MGAT4C: variants seen among roughly 807,000 people sequenced by gnomAD.
The protein encoded by MGAT4C is MGAT4 family member C, also known as alpha-1,3-mannosyl-glycoprotein 4-beta-N-acetylglucosaminyltransferase C.
A neutral mutation model predicts 40.1 loss-of-function variants in MGAT4C; 19 were observed. The observed-to-expected ratio is 0.47, with a 90% CI of 0.33 to 0.70. MGAT4C has a LOEUF of 0.70. Ranked by LOEUF, MGAT4C falls within the 30% of genes least tolerant of loss-of-function variation. The probability of loss-of-function intolerance (pLI) is 0.02; values close to 1 mark genes in which losing one functional copy is unlikely to be tolerated. For synonymous variants in MGAT4C, 181 were observed against 187.1 expected (o/e 0.97, Z 0.27); for missense variants, 491 against 563.2 (o/e 0.87, Z 1.30).
chr12:86,465,483 A>G (rs1957666463), intron 2 of MGAT4C, among the ~76,000 whole-genome samples: 1 of 152,150 alleles, frequency 6.6e-6, no homozygotes, highest in Non-Finnish European at 1.5e-5. Flanking sequence ...CATATATAAT[A>G]AAAGGCCATT....
At chr12:86,705,249 TC>T in intron 2 of MGAT4C, among the ~76,000 whole-genome samples, 1 of 150,924 alleles carries the variant, frequency 6.6e-6, no homozygotes, top group Non-Finnish European at 1.5e-5. Context: ...TATCTATCTA[TC>T]TATCTATCTA....
chr12:86,530,538 T>C (rs1333860205), intron 2 of MGAT4C, among the ~76,000 whole-genome samples: 2 of 152,040 alleles, frequency 1.3e-5, no homozygotes, highest in Non-Finnish European at 2.9e-5. Context: ...GCAGGTAACT[T>C]AGCAAACTAA....
At chr12:86,125,741 AT>A (rs568395057) in intron 1 of MGAT4C, among the ~76,000 whole-genome samples, 49 of 152,324 alleles carry the variant, frequency 3.2e-4, no homozygotes, top group Middle Eastern at 6.8e-3. Flanking sequence ...AGCAAGTTGT[AT>A]GTGATAAACT....
At chr12:85,993,648 G>T (rs1361584423) in intron 2 of MGAT4C, among the ~76,000 whole-genome samples, 1 of 152,148 alleles carries the variant, frequency 6.6e-6, no homozygotes, top group Non-Finnish European at 1.5e-5. Flanking sequence ...TCAGGAGGGG[G>T]CTGCAAAAAT....
At chr12:86,614,259 T>G (rs1962377885) in intron 2 of MGAT4C, among the ~76,000 whole-genome samples, 3 of 152,152 alleles carry the variant, frequency 2.0e-5, no homozygotes, top group Non-Finnish European at 2.9e-5. Flanking sequence ...ATACCTAAAA[T>G]AAATATCATG....
chr12:86,077,373 TA>T (rs1208076030), intron 1 of MGAT4C, among the ~76,000 whole-genome samples: 1 of 152,164 alleles, frequency 6.6e-6, no homozygotes. Flanking sequence ...CAACAATACT[TA>T]AATGCTGATG....
chr12:86,405,427 C>T (rs192286467), intron 3 of MGAT4C, among the ~76,000 whole-genome samples: 143 of 152,024 alleles, frequency 9.4e-4, no homozygotes, highest in African/African-American at 3.3e-3. Flanking sequence ...TATAAGAAGG[C>T]TTGCACCAGA....
chr12:86,391,815 G>C (rs1387007017), intron 3 of MGAT4C, among the ~76,000 whole-genome samples: 1 of 151,930 alleles, frequency 6.6e-6, no homozygotes, highest in Non-Finnish European at 1.5e-5. Context: ...AGCTGAGATC[G>C]CGACACTGCA....
chr12:86,188,448 T>A (rs1431574548), intron 1 of MGAT4C, among the ~76,000 whole-genome samples: 1 of 151,918 alleles, frequency 6.6e-6, no homozygotes, highest in Non-Finnish European at 1.5e-5. Flanking sequence ...AGGGACATGT[T>A]CTTTCCCTCT....
At chr12:86,646,751 C>T (rs1312065632) in intron 2 of MGAT4C, among the ~76,000 whole-genome samples, 3 of 151,934 alleles carry the variant, frequency 2.0e-5, no homozygotes, top group Admixed American at 1.3e-4. Flanking sequence ...CACAATATGA[C>T]TCCTGCAATC....
chr12:86,586,941 A>T (rs1449971603), intron 2 of MGAT4C, among the ~76,000 whole-genome samples: 1 of 152,056 alleles, frequency 6.6e-6, no homozygotes, highest in Non-Finnish European at 1.5e-5. Flanking sequence ...TGCTGTGCAG[A>T]AGCTCTTTAG....
At chr12:86,602,881 TGC>T (rs1219163545) in intron 2 of MGAT4C, among the ~76,000 whole-genome samples, 19 of 103,050 alleles carry the variant, frequency 1.8e-4, no homozygotes, top group South Asian at 9.3e-4. Flanking sequence ...CCTGCCCATC[TGC>T]GTGTGTGTGT....
At chr12:86,688,597 T>C (rs915862470) in intron 2 of MGAT4C, among the ~76,000 whole-genome samples, 1 of 152,098 alleles carries the variant, frequency 6.6e-6, no homozygotes, top group East Asian at 1.9e-4. Flanking sequence ...TTCTCCTTTG[T>C]GTTTGAAGCT....
rs1273988653 is a variant in MGAT4C at position 86,680,217 on chromosome 12, C to CAA, written c.-229+46991_-229+46992insTT. Reference sequence around the variant, plus strand: ...CCATAATTTTAAATGCATGCAGACACATTGTATTTGAAGATTGCTAATATA... The same window carrying CAA: ...CCATAATTTTAAATGCATGCAGACACAAATTGTATTTGAAGATTGCTAATATA... On this transcript the variant is annotated intron_variant, in intron 2 of 7. Coordinates refer to the MGAT4C transcript ENST00000548651. Among the ~76,000 whole-genome samples the CAA allele has an allele frequency of 3.9e-5, 6 of 151,980 alleles. No individual in the cohort carries two copies. In the South Asian group the frequency reaches 6.2e-4, roughly 16 times the overall value.
chr12:85,964,940 A>G lies in MGAT4C; in HGVS notation c.*14349T>C, dbSNP rs1883279243. The G allele has an allele frequency of 1.3e-5, 2 of 152,150 alleles. No homozygotes were observed. Among genetic ancestry groups the G allele is most frequent in the Non-Finnish European group, 2.9e-5 (2 of 68,018 alleles). 9.4% of individuals were successfully genotyped at this position (152,150 alleles called of 1,614,324 possible). A position where few individuals can be genotyped will look rare whatever the true frequency, so the allele number is the denominator to read the frequency against. On this transcript the variant is annotated 3_prime_UTR_variant, in exon 5 of 5. Coordinates refer to ENST00000611864, the MANE Select transcript of MGAT4C (RefSeq NM_001351288.2). ...CCCCAGAGAGCCCTCGAGAAATGCAAATAAACTATTACTGACCTCCCTTGG... is the reference window on the plus strand; with the variant it reads ...CCCCAGAGAGCCCTCGAGAAATGCAGATAAACTATTACTGACCTCCCTTGG...
intron 3 of MGAT4C, among the ~76,000 whole-genome samples, chr12:86,400,850 T>C (rs1956343483): frequency 1.3e-5 from 2 of 152,190 alleles, no homozygotes; most frequent in African/African-American, 4.8e-5. Context: ...TACTGCTGCA[T>C]GACTTGTGAG....
chr12:86,077,511 A>AT (rs1171811894), intron 1 of MGAT4C, among the ~76,000 whole-genome samples: 3 of 152,204 alleles, frequency 2.0e-5, no homozygotes. Flanking sequence ...ACTCATGACA[A>AT]TTACAGTCCT....
intron 2 of MGAT4C, among the ~76,000 whole-genome samples, chr12:86,453,320 C>G (rs1184203940): frequency 6.6e-6 from 1 of 151,906 alleles, no homozygotes; most frequent in African/African-American, 2.4e-5. Flanking sequence ...AATCATAATA[C>G]CAAGAAGAGA....
chr12:86,372,621 G>A (rs531350503), intron 3 of MGAT4C, among the ~76,000 whole-genome samples: 28 of 151,862 alleles, frequency 1.8e-4, no homozygotes, highest in Admixed American at 3.9e-4. Flanking sequence ...ATTCAGAACC[G>A]GTAATTCCTT....
Sources: gnomAD v4.1 joint callset for allele counts (sites outside exome capture counted in the v4.1 genomes callset) on GRCh38, gnomAD v4.1.1 for gene constraint, MANE v1.5 for transcripts, NCBI Gene and HGNC (gene_info 2026-07-23, HGNC 2026-07-21) for gene names.